The following SPRY3 variants were observed in gnomAD, a reference collection of about 807,000 sequenced individuals.
SPRY3 encodes the protein protein sprouty homolog 3.
Under a neutral mutation model 20.2 loss-of-function variants are expected in SPRY3, and 15 were observed. The observed-to-expected ratio is 0.74, with a 90% confidence interval of 0.50 to 1.14. The LOEUF (loss-of-function observed/expected upper bound fraction) is 1.14, where lower values mean the gene tolerates loss of function less well. Among genes scored for constraint, SPRY3 ranks in the 50% most tolerant of loss-of-function variants. The probability of loss-of-function intolerance (pLI) is 0.00; values close to 1 mark genes in which losing one functional copy is unlikely to be tolerated. For synonymous variants in SPRY3, 143 were observed against 136.5 expected (o/e 1.05, Z -0.33); for missense variants, 364 against 363.9 (o/e 1.00, Z 0.00).
chrX:155,649,559 A>G (rs1430299491), intron 1 of SPRY3, among the ~76,000 whole-genome samples: 1 of 111,671 alleles, frequency 9.0e-6, no homozygotes, highest in Admixed American at 9.5e-5. Flanking sequence ...GCCTTCAATA[A>G]AATTCAACAC....
intron 1 of SPRY3, among the ~76,000 whole-genome samples, chrX:155,645,638 C>T (rs2067955456): frequency 8.9e-6 from 1 of 112,325 alleles, no homozygotes; most frequent in East Asian, 2.8e-4. Flanking sequence ...AGTTGTTGCA[C>T]TTTTCTTCTC....
intron 2 of SPRY3, among the ~76,000 whole-genome samples, chrX:155,687,513 A>C (rs965067867): frequency 1.8e-5 from 2 of 112,653 alleles, no homozygotes; most frequent in African/African-American, 6.4e-5. Flanking sequence ...ATCTAGTTTT[A>C]GATAACATGA....
At chrX:155,635,192 C>T (rs1372439447) in intron 1 of SPRY3, among the ~76,000 whole-genome samples, 5 of 110,909 alleles carry the variant, frequency 4.5e-5, no homozygotes, top group African/African-American at 6.6e-5. Flanking sequence ...CAGCTTCATC[C>T]ATCTCCCTGC....
rs181780976 is a variant in SPRY3 at position 155,662,883 on chromosome X, G to A, written c.-282+5858G>A. ...CTGGTGACATCACCTAATTCCCCAA[G>A]AAATGTTCAGTTCTGAAAAGCTCTG... On this transcript the variant is annotated intron_variant, in intron 2 of 3. Coordinates refer to ENST00000675360, the Ensembl canonical transcript of SPRY3. Among the ~76,000 whole-genome samples the A allele has an allele frequency of 5.1e-3, 567 of 111,200 alleles. 4 individuals carry two copies. Among genetic ancestry groups the A allele is most frequent in the Non-Finnish European group, 9.2e-3 (490 of 52,975 alleles).
At chrX:155,665,026 A>G (rs1239845732) in intron 2 of SPRY3, among the ~76,000 whole-genome samples, 2 of 111,008 alleles carry the variant, frequency 1.8e-5, no homozygotes, top group African/African-American at 6.5e-5. Context: ...TAAAATTCTG[A>G]ATATATAAAG....
At chrX:155,762,528 G>C in intron 2 of SPRY3, among the ~76,000 whole-genome samples, 1 of 152,256 alleles carries the variant, frequency 6.6e-6, no homozygotes, top group East Asian at 1.9e-4. Context: ...GGCTAACAGA[G>C]AGAAAGGTTA....
chrX:155,684,113 TGAGA>T (rs2068081149), intron 2 of SPRY3, among the ~76,000 whole-genome samples: 1 of 110,406 alleles, frequency 9.1e-6, no homozygotes, highest in Non-Finnish European at 1.9e-5. Context: ...TGGAGTAGAC[TGAGA>T]GAGAGTGAGA....
At chrX:155,777,994 A>G (rs914153352), downstream of SPRY3, 6 of 167,006 alleles carry the variant, frequency 3.6e-5, no homozygotes, top group African/African-American at 1.2e-4. Flanking sequence ...CACTATTTTT[A>G]GCATGTTATT....
chrX:155,699,976 C>CT (rs35185538), intron 2 of SPRY3, among the ~76,000 whole-genome samples: 21,889 of 91,474 alleles, frequency 0.24, 2,499 homozygotes, highest in East Asian at 0.69. Context: ...CCCTTAATCT[C>CT]TTTTTTTTTT....
At chrX:155,681,034 G>A (rs1337468119) in intron 2 of SPRY3, among the ~76,000 whole-genome samples, 3 of 111,056 alleles carry the variant, frequency 2.7e-5, no homozygotes. Flanking sequence ...TCTCTATTCT[G>A]AGACACAACA....
chrX:155,737,361 G>C (rs1398771017), intron 2 of SPRY3, among the ~76,000 whole-genome samples: 2 of 152,054 alleles, frequency 1.3e-5, no homozygotes, highest in Non-Finnish European at 2.9e-5. Context: ...TGAAACAATG[G>C]TGAGCACAAT....
chrX:155,687,758 T>C (rs767762108), intron 2 of SPRY3, among the ~76,000 whole-genome samples: 16 of 112,273 alleles, frequency 1.4e-4, no homozygotes, highest in Non-Finnish European at 2.6e-4. Flanking sequence ...CAGAATAGTG[T>C]ACTTGAGTAA....
At position 155,668,493 on chromosome X, in the gene SPRY3, T is replaced by A. The variant is rs148649062; in HGVS notation, c.-282+11468T>A. On this transcript the variant is annotated intron_variant, in intron 2 of 3. Coordinates refer to ENST00000675360, the Ensembl canonical transcript of SPRY3. The stretch of plus-strand genomic sequence containing the variant: ...TTCTATATCTTGATCTATATAGGGG[T>A]TACACAGGCTTATATCCATATATCC... 4.9e-3 allele frequency among the ~76,000 whole-genome samples: 542 copies of A among 110,683 alleles called. 2 individuals are homozygous for A. Among genetic ancestry groups the A allele is most frequent in the African/African-American group, 0.016 (498 of 30,651 alleles).
intron 2 of SPRY3, among the ~76,000 whole-genome samples, chrX:155,730,336 T>C (rs1461777468): frequency 1.3e-5 from 2 of 152,088 alleles, no homozygotes; most frequent in Admixed American, 1.3e-4. Context: ...AGATCATTCA[T>C]CATGACCAAG....
chrX:155,667,300 G>T (rs782012095), intron 2 of SPRY3, among the ~76,000 whole-genome samples: 1 of 111,020 alleles, frequency 9.0e-6, no homozygotes, highest in African/African-American at 3.3e-5. Context: ...GGAGAAAAAT[G>T]GAAATGCTTA....
intron 2 of SPRY3, among the ~76,000 whole-genome samples, chrX:155,680,149 T>G (rs1603133308): frequency 1.2e-5 from 1 of 85,799 alleles, no homozygotes; most frequent in Non-Finnish European, 2.4e-5. Context: ...AATGCTGGTG[T>G]GTGTGTGTGT....
intron 2 of SPRY3, among the ~76,000 whole-genome samples, chrX:155,735,786 G>A (rs899162515): frequency 4.0e-5 from 6 of 151,774 alleles, no homozygotes; most frequent in African/African-American, 1.5e-4. Context: ...TTTAATTGGT[G>A]TATTTAGACC....
chrX:155,757,329 C>G (rs1393585537), intron 2 of SPRY3, among the ~76,000 whole-genome samples: 5 of 152,242 alleles, frequency 3.3e-5, no homozygotes, highest in East Asian at 3.9e-4. Flanking sequence ...GTGGGAGAAG[C>G]CTTCCCCATA....
At chrX:155,629,003 TTTTTTTGTTATTGTTTC>T (rs2067897259) in intron 1 of SPRY3, among the ~76,000 whole-genome samples, 1 of 111,435 alleles carries the variant, frequency 9.0e-6, no homozygotes, top group South Asian at 3.8e-4. Context: ...TTCTTTTTTG[TTTTTTTGTTATTGTTTC>T]TTTTTTGTTA....
Sources: gnomAD v4.1 joint callset for allele counts (sites outside exome capture counted in the v4.1 genomes callset) on GRCh38, gnomAD v4.1.1 for gene constraint, MANE v1.5 for transcripts, NCBI Gene and HGNC (gene_info 2026-07-23, HGNC 2026-07-21) for gene names.